The following EDIL3 variants were observed in gnomAD, a reference collection of about 807,000 sequenced individuals.
The protein encoded by EDIL3 is EGF-like repeat and discoidin I-like domain-containing protein 3.
Under a neutral mutation model 67.4 loss-of-function variants are expected in EDIL3, and 37 were observed. That is an observed-to-expected ratio of 0.55 (90% confidence interval 0.42 to 0.72). The LOEUF is 0.72. EDIL3 is among the 30% of genes least tolerant of loss of function. The pLI is 0.00. For synonymous variants in EDIL3, 195 were observed against 196.3 expected (o/e 0.99, Z 0.05); for missense variants, 527 against 586.3 (o/e 0.90, Z 1.04).
At chr5:84,253,332 ATT>A (rs977772329) in intron 2 of EDIL3, among the ~76,000 whole-genome samples, 1 of 152,118 alleles carries the variant, frequency 6.6e-6, no homozygotes, top group African/African-American at 2.4e-5. Context: ...AAAAATATAA[ATT>A]TTTTTCAAAC....
chr5:83,976,513 T>C (rs1317245029), intron 9 of EDIL3, among the ~76,000 whole-genome samples: 1 of 151,812 alleles, frequency 6.6e-6, no homozygotes, highest in Non-Finnish European at 1.5e-5. Flanking sequence ...ATCAAGAACT[T>C]TCCCTAATCT....
At chr5:84,112,750 A>G (rs149756318) in intron 5 of EDIL3, among the ~76,000 whole-genome samples, 32 of 152,244 alleles carry the variant, frequency 2.1e-4, no homozygotes, top group African/African-American at 7.2e-4. Flanking sequence ...AAGATAGAGA[A>G]CCCCTTTGTA....
At chr5:84,126,959 G>A (rs558314624) in intron 5 of EDIL3, among the ~76,000 whole-genome samples, 2 of 152,138 alleles carry the variant, frequency 1.3e-5, no homozygotes, top group African/African-American at 4.8e-5. Context: ...TAAGTATGAG[G>A]CAACACTTAT....
intron 10 of EDIL3, among the ~76,000 whole-genome samples, chr5:83,951,795 AT>A (rs958362062): frequency 7.9e-5 from 12 of 151,666 alleles, no homozygotes; most frequent in East Asian, 2.0e-4. Flanking sequence ...TTTTGATAGT[AT>A]TTTTTTTAGA....
chr5:84,040,452 A>T (rs1190651279), intron 9 of EDIL3, among the ~76,000 whole-genome samples: 2 of 150,840 alleles, frequency 1.3e-5, no homozygotes, highest in African/African-American at 4.9e-5. Flanking sequence ...AGGGCAAAAT[A>T]AAAAAATTGA....
intron 1 of EDIL3, 65 bp from the exon 2 acceptor site, chr5:84,254,277 T>C: frequency 6.6e-7 from 1 of 1,524,312 alleles, no homozygotes; most frequent in Admixed American, 2.0e-5. Context: ...AACATACTAG[T>C]TTACTTTGCT....
chr5:84,363,276 G>A (rs1232285706), intron 1 of EDIL3, among the ~76,000 whole-genome samples: 1 of 151,924 alleles, frequency 6.6e-6, no homozygotes, highest in African/African-American at 2.4e-5. Context: ...GGCCAACATG[G>A]TGAAACTCTG....
intron 9 of EDIL3, among the ~76,000 whole-genome samples, chr5:83,967,413 G>A (rs1224882285): frequency 6.6e-6 from 1 of 152,062 alleles, no homozygotes; most frequent in Non-Finnish European, 1.5e-5. Context: ...TAGCTTTAAA[G>A]TAATATTAAA....
intron 1 of EDIL3, among the ~76,000 whole-genome samples, chr5:84,348,478 A>G (rs1012917481): frequency 1.3e-5 from 2 of 152,116 alleles, no homozygotes; most frequent in Non-Finnish European, 2.9e-5. Flanking sequence ...TTATTAAAAA[A>G]TCTAACTTAC....
chr5:84,157,793 A>G (rs1748519705), intron 4 of EDIL3, among the ~76,000 whole-genome samples: 1 of 152,062 alleles, frequency 6.6e-6, no homozygotes, highest in African/African-American at 2.4e-5. Context: ...CCTTTTAATT[A>G]CTTCTTGTAG....
intron 1 of EDIL3, among the ~76,000 whole-genome samples, chr5:84,333,691 T>C (rs1746923051): frequency 6.6e-6 from 1 of 152,184 alleles, no homozygotes; most frequent in Non-Finnish European, 1.5e-5. Flanking sequence ...AGAATAATAA[T>C]ATCCATAAAT....
At chr5:84,181,075 GTA>G (rs1749004620) in intron 3 of EDIL3, 1 of 152,176 alleles carries the variant, frequency 6.6e-6, no homozygotes, top group African/African-American at 2.4e-5. Context: ...CTTTTATAGA[GTA>G]TGAGTTTATG....
intron 1 of EDIL3, among the ~76,000 whole-genome samples, chr5:84,293,433 G>A (rs531979661): frequency 2.0e-4 from 31 of 152,118 alleles, no homozygotes; most frequent in Admixed American, 2.0e-3. Context: ...TGCCTTTGGA[G>A]TCTGTGCTCT....
intron 9 of EDIL3, among the ~76,000 whole-genome samples, chr5:84,041,704 A>G (rs889847175): frequency 6.7e-6 from 1 of 149,310 alleles, no homozygotes; most frequent in Non-Finnish European, 1.5e-5. Context: ...CTACCTATAT[A>G]TATATATAGA....
At chr5:84,199,460 A>C (rs1398777153) in intron 3 of EDIL3, among the ~76,000 whole-genome samples, 1 of 151,974 alleles carries the variant, frequency 6.6e-6, no homozygotes, top group Admixed American at 6.6e-5. Context: ...ACTGAGGTAG[A>C]TGTCACTATT....
intron 5 of EDIL3, among the ~76,000 whole-genome samples, chr5:84,115,729 C>T (rs1747652706): frequency 6.6e-6 from 1 of 152,154 alleles, no homozygotes; most frequent in East Asian, 1.9e-4. Context: ...TCTGTAAAGT[C>T]AAAAGCCTGA....
chr5:84,052,445 A>G, intron 9 of EDIL3, among the ~76,000 whole-genome samples: 1 of 136,174 alleles, frequency 7.3e-6, no homozygotes, highest in Admixed American at 7.4e-5. Flanking sequence ...ACAGGATCAA[A>G]TTCACACATA....
chr5:84,171,096 A>G (rs1044761386), intron 4 of EDIL3, among the ~76,000 whole-genome samples: 4 of 152,124 alleles, frequency 2.6e-5, no homozygotes, highest in Non-Finnish European at 4.4e-5. Context: ...CACCTGGCTG[A>G]ATCAGTTCTA....
intron 3 of EDIL3, among the ~76,000 whole-genome samples, chr5:84,182,809 AT>A (rs5869214): frequency 0.43 from 63,455 of 148,892 alleles, 13,653 homozygotes; most frequent in East Asian, 0.64. Context: ...GGGCTCTGTG[AT>A]TTTTTTTTTT....
Sources: allele counts gnomAD v4.1 joint callset (sites outside exome capture counted in the v4.1 genomes callset), GRCh38; gene constraint gnomAD v4.1.1; transcripts MANE v1.5; gene names NCBI Gene and HGNC (gene_info 2026-07-23, HGNC 2026-07-21).